The following CENPW variants were observed in gnomAD, a reference collection of about 807,000 sequenced individuals.
CENPW encodes the protein cancer-up-regulated gene 2 protein.
A neutral mutation model predicts 11.1 loss-of-function variants in CENPW; 3 were observed. The observed-to-expected ratio is 0.27, with a 90% CI of 0.12 to 0.70. The LOEUF (loss-of-function observed/expected upper bound fraction) is 0.70, where lower values mean the gene tolerates loss of function less well. CENPW is among the 30% of genes least tolerant of loss of function. The pLI is 0.77. For synonymous variants in CENPW, 38 were observed against 42.0 expected, an observed-to-expected ratio of 0.91 and a Z score of 0.37; for missense variants, 100 against 105.6, an observed-to-expected ratio of 0.95 and a Z score of 0.23.
chr6:126,396,291 G>C, the CENPW span, among the ~76,000 whole-genome samples: 1 of 152,004 alleles, frequency 6.6e-6, no homozygotes, highest in African/African-American at 2.4e-5. Context: ...CTGCCACCCT[G>C]CTTTCCACAG....
the CENPW span, among the ~76,000 whole-genome samples, chr6:126,410,826 T>G: frequency 1.3e-5 from 2 of 152,078 alleles, no homozygotes; most frequent in African/African-American, 4.8e-5. Flanking sequence ...CTGCAGGCTT[T>G]GCATTTGATT....
the CENPW span, among the ~76,000 whole-genome samples, chr6:126,452,330 A>G: frequency 2.6e-5 from 4 of 151,200 alleles, no homozygotes; most frequent in African/African-American, 9.7e-5. Context: ...ATCGGACAGA[A>G]ATTTAAACAT....
chr6:126,363,720 G>A, the CENPW span, among the ~76,000 whole-genome samples: 1 of 152,190 alleles, frequency 6.6e-6, no homozygotes, highest in Non-Finnish European at 1.5e-5. Context: ...GGAATCTAGA[G>A]TAGTGCTAAG....
chr6:126,411,870 TCCTTCCTTCCGTCCTTCCTA>T, the CENPW span, among the ~76,000 whole-genome samples: 5 of 151,836 alleles, frequency 3.3e-5, no homozygotes, highest in African/African-American at 1.2e-4. Context: ...CTTCCTTTTT[TCCTTCCTTCCGTCCTTCCTA>T]CCTTCCTTCC....
the CENPW span, among the ~76,000 whole-genome samples, chr6:126,460,697 C>T: frequency 6.6e-6 from 1 of 151,590 alleles, no homozygotes; most frequent in South Asian, 2.1e-4. Flanking sequence ...GAAAAGAGAC[C>T]TCAGTATAGA....
chr6:126,450,204 G>T, the CENPW span, among the ~76,000 whole-genome samples: 2 of 151,080 alleles, frequency 1.3e-5, no homozygotes, highest in African/African-American at 4.8e-5. Flanking sequence ...GGAATATTTT[G>T]CTATATCTTC....
chr6:126,344,823 T>C (rs1047659095), intron 1 of CENPW, among the ~76,000 whole-genome samples: 1 of 152,202 alleles, frequency 6.6e-6, no homozygotes, highest in African/African-American at 2.4e-5. Flanking sequence ...AAACACCACA[T>C]TACTAGTTAT....
the CENPW span, among the ~76,000 whole-genome samples, chr6:126,359,233 A>G: frequency 6.6e-6 from 1 of 152,090 alleles, no homozygotes; most frequent in Non-Finnish European, 1.5e-5. Flanking sequence ...TGGAATTTCA[A>G]GATATCTTGA....
intron 2 of CENPW, among the ~76,000 whole-genome samples, chr6:126,346,565 G>A (rs1052921804): frequency 6.6e-6 from 1 of 152,166 alleles, no homozygotes; most frequent in Non-Finnish European, 1.5e-5. Flanking sequence ...CTGCTAATCT[G>A]TAGACTGAGA....
At chr6:126,352,513 TATC>T (rs1269901325), downstream of CENPW, among the ~76,000 whole-genome samples, 1 of 152,116 alleles carries the variant, frequency 6.6e-6, no homozygotes, top group African/African-American at 2.4e-5. Context: ...CTTGAGATAT[TATC>T]ATCTCTAATC....
At chr6:126,478,027 C>A in the CENPW span, among the ~76,000 whole-genome samples, 1 of 152,048 alleles carries the variant, frequency 6.6e-6, no homozygotes, top group African/African-American at 2.4e-5. Flanking sequence ...GTACTTAACT[C>A]TTGAGATCCA....
downstream of CENPW, among the ~76,000 whole-genome samples, chr6:126,352,325 A>G (rs191023123): frequency 6.6e-6 from 1 of 152,018 alleles, no homozygotes; most frequent in East Asian, 1.9e-4. Flanking sequence ...TCTTGCCCTA[A>G]CCTCTGTATT....
the CENPW span, among the ~76,000 whole-genome samples, chr6:126,369,323 G>A: frequency 6.6e-6 from 1 of 152,232 alleles, no homozygotes; most frequent in East Asian, 1.9e-4. Flanking sequence ...GGATCAAATG[G>A]TAGTTCTACT....
At chr6:126,342,012 C>T (rs1238397145) in intron 1 of CENPW, among the ~76,000 whole-genome samples, 2 of 152,116 alleles carry the variant, frequency 1.3e-5, no homozygotes, top group Non-Finnish European at 2.9e-5. Context: ...GTAGTATGCT[C>T]GTCGTGTTTG....
the CENPW span, among the ~76,000 whole-genome samples, chr6:126,377,726 A>G: frequency 1.3e-5 from 2 of 152,360 alleles, no homozygotes; most frequent in East Asian, 3.8e-4. Context: ...CACTTTGAGA[A>G]CATTATCCAA....
the CENPW span, among the ~76,000 whole-genome samples, chr6:126,427,282 T>C: frequency 4.9e-4 from 74 of 152,304 alleles, no homozygotes; most frequent in South Asian, 5.4e-3. Context: ...TATAGGTAAG[T>C]AAAAATAGGA....
the CENPW span, among the ~76,000 whole-genome samples, chr6:126,425,890 T>C: frequency 6.6e-6 from 1 of 152,066 alleles, no homozygotes; most frequent in Non-Finnish European, 1.5e-5. Context: ...ATACTTTTTT[T>C]TTAGCCAGTT....
the CENPW span, among the ~76,000 whole-genome samples, chr6:126,388,290 T>C: frequency 9.7e-4 from 147 of 152,118 alleles, no homozygotes; most frequent in African/African-American, 3.2e-3. Context: ...GCCAAACATA[T>C]GGCTTTTGGC....
At chr6:126,382,565 CAG>C in the CENPW span, among the ~76,000 whole-genome samples, 1 of 151,988 alleles carries the variant, frequency 6.6e-6, no homozygotes, top group Admixed American at 6.6e-5. Flanking sequence ...TGATAGCTGA[CAG>C]AAAAAAATAG....
Sources: allele counts gnomAD v4.1 joint callset (sites outside exome capture counted in the v4.1 genomes callset), GRCh38; gene constraint gnomAD v4.1.1; transcripts MANE v1.5; gene names NCBI Gene and HGNC (gene_info 2026-07-23, HGNC 2026-07-21).